THADA: variants seen among roughly 807,000 people sequenced by gnomAD.
THADA encodes tRNA (32-2'-O)-methyltransferase regulator THADA.
THADA carries 213 observed loss-of-function variants against 219.8 expected under a neutral mutation model. That is an observed-to-expected ratio of 0.97 (90% confidence interval 0.87 to 1.09). The LOEUF is 1.09. THADA is among the 50% of genes least tolerant of loss of function. The pLI is 0.00. For missense variants in THADA, 2,956 were observed against 2,311.3 expected (o/e 1.28, Z -5.72); for synonymous variants, 1,018 against 828.9 (o/e 1.23, Z -3.92).
At chr2:43,426,556 G>A (rs751562967) in intron 28 of THADA, among the ~76,000 whole-genome samples, 1 of 152,128 alleles carries the variant, frequency 6.6e-6, no homozygotes, top group Non-Finnish European at 1.5e-5. Context: ...AGATGAAGGA[G>A]ACTGGTAACT....
chr2:43,381,096 TC>T (rs1347621695), intron 29 of THADA, among the ~76,000 whole-genome samples: 1 of 25,362 alleles, frequency 3.9e-5, no homozygotes, highest in Admixed American at 4.1e-4. Context: ...CGAGACTTTG[TC>T]AAAAAAAAAA....
intron 31 of THADA, among the ~76,000 whole-genome samples, chr2:43,306,327 C>T (rs776735734): frequency 6.6e-6 from 1 of 152,136 alleles, no homozygotes; most frequent in African/African-American, 2.4e-5. Context: ...CTGGTTCTTT[C>T]GGCGAATTGG....
intron 26 of THADA, among the ~76,000 whole-genome samples, chr2:43,467,181 CAAAAAAAAAAA>C (rs70963399): frequency 2.5e-3 from 147 of 58,404 alleles, no homozygotes; most frequent in Middle Eastern, 0.01. Context: ...GACTCCGTCT[CAAAAAAAAAAA>C]AAAAAAAAAA....
intron 24 of THADA, among the ~76,000 whole-genome samples, chr2:43,500,233 G>A (rs758000829): frequency 2.0e-5 from 3 of 152,172 alleles, no homozygotes; most frequent in African/African-American, 4.8e-5. Flanking sequence ...AGTATTGGAA[G>A]TTAGGCTAGT....
At chr2:43,539,655 A>ATAGAAACATGT (rs1326348792) in intron 21 of THADA, among the ~76,000 whole-genome samples, 3 of 152,232 alleles carry the variant, frequency 2.0e-5, no homozygotes, top group African/African-American at 7.2e-5. Context: ...TGAGGTTACC[A>ATAGAAACATGT]TGTGAATGGC....
chr2:43,246,386 T>C (rs1669149860), intron 36 of THADA, among the ~76,000 whole-genome samples: 1 of 152,112 alleles, frequency 6.6e-6, no homozygotes, highest in Non-Finnish European at 1.5e-5. Flanking sequence ...TCCCAGCTAC[T>C]TGGGAGGCTG....
At chr2:43,291,472 A>AAAAAAAAAAAAAAAAAAAAAC (rs1674707822) in intron 34 of THADA, among the ~76,000 whole-genome samples, 1 of 147,502 alleles carries the variant, frequency 6.8e-6, no homozygotes, top group Non-Finnish European at 1.5e-5. Flanking sequence ...AAAAAAAAAA[A>AAAAAAAAAAAAAAAAAAAAAC]AAAAAAAAAA....
At chr2:43,554,330 T>C (rs1392887083) in intron 17 of THADA, among the ~76,000 whole-genome samples, 4 of 152,358 alleles carry the variant, frequency 2.6e-5, no homozygotes, top group Non-Finnish European at 1.5e-5. Context: ...TGCATGTACA[T>C]GTCCAGTTAT....
At chr2:43,234,380 C>A (rs1667784088) in intron 36 of THADA, among the ~76,000 whole-genome samples, 1 of 152,174 alleles carries the variant, frequency 6.6e-6, no homozygotes, top group Admixed American at 6.5e-5. Context: ...ATCTTGAGAG[C>A]TCCAGATAAG....
intron 29 of THADA, among the ~76,000 whole-genome samples, chr2:43,361,640 T>C (rs1669539470): frequency 6.6e-6 from 1 of 152,254 alleles, no homozygotes; most frequent in Admixed American, 6.5e-5. Flanking sequence ...TCCTTGGCAC[T>C]ATTTTTCTTA....
chr2:43,408,836 T>C (rs1028319006), intron 28 of THADA, among the ~76,000 whole-genome samples: 5 of 152,222 alleles, frequency 3.3e-5, no homozygotes, highest in Non-Finnish European at 5.9e-5. Flanking sequence ...TCTCATAATA[T>C]TGATGCTAAT....
intron 28 of THADA, among the ~76,000 whole-genome samples, chr2:43,405,198 C>A (rs58583407): frequency 0.2 from 30,773 of 152,134 alleles, 3,252 homozygotes; most frequent in South Asian, 0.31. Context: ...TATTTTCTGT[C>A]GACTCTACCG....
At chr2:43,471,067 T>C (rs758733884) in intron 26 of THADA, among the ~76,000 whole-genome samples, 9 of 152,186 alleles carry the variant, frequency 5.9e-5, no homozygotes, top group Non-Finnish European at 1.3e-4. Flanking sequence ...TTTTCTTCAA[T>C]TCACACTTGG....
At chr2:43,443,664 T>C (rs911677073) in intron 26 of THADA, among the ~76,000 whole-genome samples, 2 of 152,114 alleles carry the variant, frequency 1.3e-5, no homozygotes, top group Non-Finnish European at 2.9e-5. Flanking sequence ...CCACTAAAAA[T>C]TGTGAATGGG....
At chr2:43,461,152 C>G (rs909362378) in intron 26 of THADA, among the ~76,000 whole-genome samples, 1 of 152,170 alleles carries the variant, frequency 6.6e-6, no homozygotes, top group Non-Finnish European at 1.5e-5. Flanking sequence ...TGGAAAGCTA[C>G]TTGAAGTTTT....
intron 23 of THADA, 93 bp downstream of exon 23, chr2:43,508,555 T>G (rs1002095258): frequency 8.0e-7 from 1 of 1,250,786 alleles, no homozygotes; most frequent in Non-Finnish European, 1.1e-6. Flanking sequence ...GTCCTTTATG[T>G]GTAATACGCT....
At chr2:43,553,239 T>A (rs1036390804) in intron 17 of THADA, among the ~76,000 whole-genome samples, 1 of 152,246 alleles carries the variant, frequency 6.6e-6, no homozygotes, top group Non-Finnish European at 1.5e-5. Context: ...TTTAGATGTA[T>A]GTTTTCATTT....
chr2:43,509,146 A>G (rs1690069737), intron 22 of THADA, among the ~76,000 whole-genome samples: 3 of 152,196 alleles, frequency 2.0e-5, no homozygotes, highest in African/African-American at 7.2e-5. Context: ...GTTTACTATA[A>G]TTTATGTTCT....
At chr2:43,234,386 A>G (rs937244567) in intron 36 of THADA, among the ~76,000 whole-genome samples, 1 of 152,148 alleles carries the variant, frequency 6.6e-6, no homozygotes, top group African/African-American at 2.4e-5. Flanking sequence ...AGAGCTCCAG[A>G]TAAGTCCCCC....
Sources: allele counts gnomAD v4.1 joint callset (sites outside exome capture counted in the v4.1 genomes callset), GRCh38; gene constraint gnomAD v4.1.1; transcripts MANE v1.5; gene names NCBI Gene and HGNC (gene_info 2026-07-23, HGNC 2026-07-21).